C12orf42: variants seen among roughly 807,000 people sequenced by gnomAD.
C12orf42 encodes chromosome 12 open reading frame 42, also known as uncharacterized protein C12orf42.
In C12orf42, 25 loss-of-function variants were observed where a neutral mutation model predicts 21.6. That is an observed-to-expected ratio of 1.16 (90% CI 0.84 to 1.62). The LOEUF is 1.62. Among genes scored for constraint, C12orf42 ranks in the 40% most tolerant of loss-of-function variants. C12orf42 has a pLI of 0.00. For missense variants in C12orf42, 483 were observed against 459.3 expected, an observed-to-expected ratio of 1.05 and a Z score of -0.47; for synonymous variants, 174 against 175.0, an observed-to-expected ratio of 0.99 and a Z score of 0.05.
chr12:103,377,045 T>C (rs2045763967), intron 3 of C12orf42, among the ~76,000 whole-genome samples: 1 of 152,134 alleles, frequency 6.6e-6, no homozygotes, highest in Non-Finnish European at 1.5e-5. Flanking sequence ...ATTTAATTCC[T>C]GTCTATTTCT....
the C12orf42 span, among the ~76,000 whole-genome samples, chr12:103,203,856 A>G: frequency 6.6e-6 from 1 of 152,318 alleles, no homozygotes; most frequent in African/African-American, 2.4e-5. Context: ...AGGAAAGATG[A>G]GCACCCAACA....
At chr12:103,282,117 C>T (rs1226800292) in intron 4 of C12orf42, among the ~76,000 whole-genome samples, 1 of 152,094 alleles carries the variant, frequency 6.6e-6, no homozygotes, top group Non-Finnish European at 1.5e-5. Flanking sequence ...ATCAAGAGTC[C>T]TAAATGATGT....
chr12:103,397,549 G>A (rs2047639080), intron 3 of C12orf42: 1 of 152,206 alleles, frequency 6.6e-6, no homozygotes, highest in Admixed American at 6.5e-5. Context: ...TTCTAAGGTG[G>A]AAGAGTTTCA....
the C12orf42 span, among the ~76,000 whole-genome samples, chr12:103,066,773 C>T: frequency 6.6e-6 from 1 of 152,148 alleles, no homozygotes; most frequent in Non-Finnish European, 1.5e-5. Flanking sequence ...AGTGGATGGA[C>T]CTCTCTTGAG....
intron 1 of C12orf42, among the ~76,000 whole-genome samples, chr12:103,485,458 C>T (rs1159197913): frequency 6.6e-6 from 1 of 152,134 alleles, no homozygotes; most frequent in Admixed American, 6.5e-5. Flanking sequence ...AATGTGGGCT[C>T]TTTTTTAGTT....
the C12orf42 span, among the ~76,000 whole-genome samples, chr12:103,184,723 C>A: frequency 2.3e-5 from 2 of 87,988 alleles, no homozygotes; most frequent in African/African-American, 8.5e-5. Context: ...CCCCCCCCCC[C>A]CAAATATATA....
At chr12:103,507,505 A>C in the C12orf42 span, among the ~76,000 whole-genome samples, 1 of 107,354 alleles carries the variant, frequency 9.3e-6, no homozygotes, top group Non-Finnish European at 2.1e-5. Flanking sequence ...CCCCATCTTC[A>C]AAAAAAAAAA....
At chr12:103,329,198 C>T (rs977223376) in intron 4 of C12orf42, among the ~76,000 whole-genome samples, 4 of 152,102 alleles carry the variant, frequency 2.6e-5, no homozygotes, top group African/African-American at 7.2e-5. Context: ...TGGCACATAA[C>T]CCATCAGGGA....
the C12orf42 span, among the ~76,000 whole-genome samples, chr12:103,517,880 AAAATTTTAAT>A: frequency 6.6e-6 from 1 of 152,166 alleles, no homozygotes; most frequent in Non-Finnish European, 1.5e-5. Context: ...CAGAAAATAA[AAAATTTTAAT>A]TTTTTTATTT....
At chr12:103,186,266 C>T in the C12orf42 span, among the ~76,000 whole-genome samples, 2 of 152,112 alleles carry the variant, frequency 1.3e-5, no homozygotes, top group Non-Finnish European at 2.9e-5. Flanking sequence ...TCGTAGGGTT[C>T]CATAAAGTTC....
intron 3 of C12orf42, among the ~76,000 whole-genome samples, chr12:103,391,641 T>C (rs1257310312): frequency 3.3e-5 from 5 of 151,556 alleles, no homozygotes; most frequent in Non-Finnish European, 5.9e-5. Context: ...CTTTTAATTC[T>C]TCATATATTC....
chr12:103,311,893 T>C (rs967604555), intron 4 of C12orf42, among the ~76,000 whole-genome samples: 6 of 152,238 alleles, frequency 3.9e-5, no homozygotes, highest in African/African-American at 1.2e-4. Context: ...AGGGAGCTAC[T>C]GATCTCAGTC....
At chr12:103,076,553 G>T in the C12orf42 span, among the ~76,000 whole-genome samples, 443 of 152,166 alleles carry the variant, frequency 2.9e-3, 2 homozygotes, top group African/African-American at 0.01. Flanking sequence ...TCGCAAGGGG[G>T]ACTTTTTCAG....
In C12orf42 at chr12:103,322,112, TGCGC is replaced by T. The variant is rs749823979; in HGVS notation, c.260-15771_260-15768del. ...CTTCTCAGATGTGCACGCGCGTGCG[TGCGC>T]GCGCGCGCGCACACACACACACACA... is the stretch of plus-strand genomic sequence containing the variant. On this transcript the variant is annotated intron_variant, in intron 4 of 5. Coordinates refer to ENST00000548883, the MANE Select transcript of C12orf42 (RefSeq NM_198521.5). Among the ~76,000 whole-genome samples the T allele has an allele frequency of 1.4e-3, 95 of 68,700 alleles. 1 individual carries two copies. The highest frequency in any genetic ancestry group is 0.01 in the Admixed American group (81 of 7,946). 45.1% of individuals were successfully genotyped at this position (68,700 alleles called of 152,430 possible).
chr12:103,553,136 G>C, the C12orf42 span, among the ~76,000 whole-genome samples: 1 of 152,024 alleles, frequency 6.6e-6, no homozygotes, highest in Non-Finnish European at 1.5e-5. Flanking sequence ...TGCATTGCAG[G>C]GCGTTAAACA....
rs116395448 is a variant in C12orf42 at position 103,397,299 on chromosome 12, T to C, written c.147+4308A>G. On this transcript the variant is annotated intron_variant, in intron 3 of 5. Transcript: ENST00000548883. The stretch of plus-strand genomic sequence containing the variant: ...CTTTTTAATGTTCCATTACAAATCA[T>C]TGCATCAGAAAACAGTCCTCTATGT... Among the ~76,000 whole-genome samples the C allele has an allele frequency of 2.7e-3, 412 of 152,308 alleles. 2 individuals are homozygous for C. The highest frequency in any genetic ancestry group is 9.3e-3 in the African/African-American group (386 of 41,578).
At chr12:103,444,042 A>G (rs1407181263) in intron 2 of C12orf42, among the ~76,000 whole-genome samples, 2 of 152,188 alleles carry the variant, frequency 1.3e-5, no homozygotes, top group East Asian at 3.9e-4. Context: ...TTGGTTATAT[A>G]TGCCAAAGTT....
At chr12:103,305,903 T>C in intron 5 of C12orf42, 71 bp downstream of exon 5, 1 of 1,505,310 alleles carries the variant, frequency 6.6e-7, no homozygotes, top group Non-Finnish European at 8.9e-7. Context: ...TTTTTCTGTT[T>C]ATACTGAAGT....
At chr12:103,211,527 G>A in the C12orf42 span, among the ~76,000 whole-genome samples, 2 of 152,274 alleles carry the variant, frequency 1.3e-5, no homozygotes, top group East Asian at 1.9e-4. Context: ...GGCAACTTAC[G>A]AAGCTGGCCA....
Sources: gnomAD v4.1 joint callset for allele counts (sites outside exome capture counted in the v4.1 genomes callset) on GRCh38, gnomAD v4.1.1 for gene constraint, MANE v1.5 for transcripts, NCBI Gene and HGNC (gene_info 2026-07-23, HGNC 2026-07-21) for gene names.